Variants in DRC10 observed in about 807,000 individuals in gnomAD.
DRC10 encodes the protein dynein regulatory complex subunit 10.
At chr12:113,195,609 T>C in the DRC10 span, 2 of 1,608,620 alleles carry the variant, frequency 1.2e-6, no homozygotes, top group South Asian at 2.2e-5. Flanking sequence ...CTTGCCTTTC[T>C]GCTTGCCCTT....
At chr12:113,202,890 G>A in the DRC10 span, 6 of 320,880 alleles carry the variant, frequency 1.9e-5, no homozygotes, top group South Asian at 1.4e-4. Flanking sequence ...GGGTGTCTCT[G>A]TTATAGCAGC....
the DRC10 span, among the ~76,000 whole-genome samples, chr12:113,218,806 T>C: frequency 2.6e-5 from 4 of 152,232 alleles, no homozygotes; most frequent in Non-Finnish European, 5.9e-5. Context: ...TAGTATTTCA[T>C]TCCTGAATAG....
At chr12:113,195,712 T>C in the DRC10 span, 2 of 1,613,890 alleles carry the variant, frequency 1.2e-6, no homozygotes. Context: ...TGGATGAGCG[T>C]GGCCGCCCGT....
At chr12:113,196,390 G>T in the DRC10 span, among the ~76,000 whole-genome samples, 23 of 152,136 alleles carry the variant, frequency 1.5e-4, no homozygotes, top group African/African-American at 5.6e-4. Flanking sequence ...GGCCTCAAAC[G>T]GAGTCCCAGA....
At chr12:113,220,398 G>C in the DRC10 span, among the ~76,000 whole-genome samples, 1 of 152,030 alleles carries the variant, frequency 6.6e-6, no homozygotes, top group Non-Finnish European at 1.5e-5. Context: ...TGGGATTACA[G>C]GTGCGCCTCC....
At chr12:113,210,707 C>T in the DRC10 span, among the ~76,000 whole-genome samples, 3 of 150,922 alleles carry the variant, frequency 2.0e-5, no homozygotes, top group Non-Finnish European at 3.0e-5. Flanking sequence ...ATCCCCATCC[C>T]TCACCCTGAT....
At chr12:113,204,910 A>T in the DRC10 span, among the ~76,000 whole-genome samples, 1 of 151,598 alleles carries the variant, frequency 6.6e-6, no homozygotes, top group Non-Finnish European at 1.5e-5. Context: ...GCTTGGGCAT[A>T]GAGTAAGACT....
At chr12:113,200,667 G>A in the DRC10 span, 8 of 1,536,190 alleles carry the variant, frequency 5.2e-6, no homozygotes, top group Non-Finnish European at 7.0e-6. Flanking sequence ...GCTGGATCTT[G>A]GCCACCCTGG....
chr12:113,195,507 C>G, the DRC10 span: 2 of 1,495,070 alleles, frequency 1.3e-6, no homozygotes, highest in Non-Finnish European at 1.8e-6. Flanking sequence ...ATTTAGTGCT[C>G]TCCATCTCGG....
chr12:113,207,644 C>G, the DRC10 span: 1 of 1,614,056 alleles, frequency 6.2e-7, no homozygotes, highest in South Asian at 1.1e-5. Context: ...GCACTTCTAC[C>G]CTGTGTCTGC....
At chr12:113,209,439 T>C in the DRC10 span, among the ~76,000 whole-genome samples, 1 of 152,220 alleles carries the variant, frequency 6.6e-6, no homozygotes, top group South Asian at 2.1e-4. Flanking sequence ...TTACCCTGGC[T>C]GGAGTGCAAT....
At chr12:113,197,674 A>G in the DRC10 span, 1,067 of 1,038,420 alleles carry the variant, frequency 1.0e-3, 8 homozygotes, top group African/African-American at 0.013. Context: ...AGCACTGAGC[A>G]CTCTCTGCAT....
At chr12:113,207,850 C>G in the DRC10 span, 2 of 1,614,198 alleles carry the variant, frequency 1.2e-6, no homozygotes, top group Admixed American at 3.3e-5. Context: ...TTTCAGGCAC[C>G]TGACGTTTTC....
chr12:113,218,878 C>T, the DRC10 span, among the ~76,000 whole-genome samples: 1 of 152,084 alleles, frequency 6.6e-6, no homozygotes, highest in Non-Finnish European at 1.5e-5. Context: ...ATTTATTCAC[C>T]TGTTGATGAC....
the DRC10 span, among the ~76,000 whole-genome samples, chr12:113,217,623 C>G: frequency 2.0e-5 from 3 of 152,212 alleles, no homozygotes; most frequent in South Asian, 4.1e-4. Flanking sequence ...CCTCCACCCC[C>G]CTGGTTCAAG....
At chr12:113,219,680 TA>T in the DRC10 span, among the ~76,000 whole-genome samples, 4 of 152,160 alleles carry the variant, frequency 2.6e-5, no homozygotes, top group Admixed American at 6.5e-5. Flanking sequence ...TTTTTTTATA[TA>T]TTTTTTTGAG....
the DRC10 span, chr12:113,220,926 C>T: frequency 4.2e-5 from 12 of 282,908 alleles, no homozygotes; most frequent in Non-Finnish European, 8.8e-5. Flanking sequence ...CTCAGGGAGC[C>T]AAAGGACAGA....
At chr12:113,220,919 A>G in the DRC10 span, 1 of 276,018 alleles carries the variant, frequency 3.6e-6, no homozygotes, top group Non-Finnish European at 7.6e-6. Context: ...CTAATTCCTC[A>G]GGGAGCCAAA....
chr12:113,219,104 C>T, the DRC10 span, among the ~76,000 whole-genome samples: 2 of 152,082 alleles, frequency 1.3e-5, no homozygotes, highest in African/African-American at 2.4e-5. Context: ...GGCACGATCT[C>T]GGCTCACTGC....
Sources: allele counts gnomAD v4.1 joint callset (sites outside exome capture counted in the v4.1 genomes callset), GRCh38; gene constraint gnomAD v4.1.1; transcripts MANE v1.5; gene names NCBI Gene and HGNC (gene_info 2026-07-23, HGNC 2026-07-21).